Variants in SPMIP2 observed in about 807,000 individuals in gnomAD.
SPMIP2 encodes sperm microtubule inner protein 2.
the SPMIP2 span, among the ~76,000 whole-genome samples, chr4:159,037,156 T>C: frequency 1.3e-5 from 2 of 152,214 alleles, no homozygotes; most frequent in African/African-American, 4.8e-5. Context: ...GCTTTGCCTT[T>C]GAGACTGTTA....
At chr4:159,030,880 G>A in the SPMIP2 span, among the ~76,000 whole-genome samples, 1 of 152,108 alleles carries the variant, frequency 6.6e-6, no homozygotes, top group Non-Finnish European at 1.5e-5. Flanking sequence ...TCTCAGAATT[G>A]CTGCGAAATT....
the SPMIP2 span, among the ~76,000 whole-genome samples, chr4:158,987,184 G>A: frequency 2.1e-5 from 3 of 145,626 alleles, no homozygotes; most frequent in South Asian, 2.3e-4. Flanking sequence ...ACTGTTGGTG[G>A]GACTGTAATC....
the SPMIP2 span, among the ~76,000 whole-genome samples, chr4:158,985,881 A>C: frequency 6.6e-6 from 1 of 151,934 alleles, no homozygotes; most frequent in Non-Finnish European, 1.5e-5. Context: ...ATATCTAGAA[A>C]ACCCCATTGT....
chr4:159,079,287 A>G, the SPMIP2 span, among the ~76,000 whole-genome samples: 783 of 152,236 alleles, frequency 5.1e-3, 10 homozygotes, highest in African/African-American at 0.018. Context: ...CTCCACCCAC[A>G]TGAATGGAAT....
chr4:158,941,288 T>C, the SPMIP2 span, among the ~76,000 whole-genome samples: 8 of 152,214 alleles, frequency 5.3e-5, no homozygotes. Flanking sequence ...AAGAACATTA[T>C]ATGATTGATC....
the SPMIP2 span, among the ~76,000 whole-genome samples, chr4:159,024,349 G>A: frequency 1.3e-5 from 2 of 152,288 alleles, no homozygotes; most frequent in Admixed American, 6.5e-5. Context: ...CACGGTGAAA[G>A]GTTCTACCTT....
the SPMIP2 span, among the ~76,000 whole-genome samples, chr4:158,924,198 GT>G: frequency 2.6e-5 from 4 of 152,268 alleles, no homozygotes; most frequent in East Asian, 7.7e-4. Flanking sequence ...ATTAATCTCT[GT>G]TGTTGAGCCA....
At chr4:159,024,353 C>T in the SPMIP2 span, among the ~76,000 whole-genome samples, 1 of 152,160 alleles carries the variant, frequency 6.6e-6, no homozygotes, top group Non-Finnish European at 1.5e-5. Flanking sequence ...GTGAAAGGTT[C>T]TACCTTTTCT....
At chr4:159,011,328 A>T in the SPMIP2 span, among the ~76,000 whole-genome samples, 1 of 150,850 alleles carries the variant, frequency 6.6e-6, no homozygotes, top group Non-Finnish European at 1.5e-5. Flanking sequence ...AGAATAGTAT[A>T]GAGTAATTAA....
chr4:159,021,040 C>T, the SPMIP2 span, among the ~76,000 whole-genome samples: 3 of 152,232 alleles, frequency 2.0e-5, no homozygotes, highest in South Asian at 6.2e-4. Context: ...GGATTACAGG[C>T]GTGAGCCACC....
the SPMIP2 span, among the ~76,000 whole-genome samples, chr4:158,940,807 C>T: frequency 1.3e-5 from 2 of 152,078 alleles, no homozygotes; most frequent in Non-Finnish European, 2.9e-5. Flanking sequence ...GTATATTGAT[C>T]CATTGCAGCT....
chr4:158,911,375 T>TAAATAAATAAATAAATA, the SPMIP2 span, among the ~76,000 whole-genome samples: 1 of 147,116 alleles, frequency 6.8e-6, no homozygotes, highest in Non-Finnish European at 1.5e-5. Flanking sequence ...AATAAATAAA[T>TAAATAAATAAATAAATA]AAATAAATAA....
the SPMIP2 span, among the ~76,000 whole-genome samples, chr4:158,943,572 AT>A: frequency 2.5e-4 from 38 of 152,008 alleles, no homozygotes; most frequent in East Asian, 3.9e-3. Flanking sequence ...TTTTACCACC[AT>A]TTTTTTTAAT....
chr4:159,059,304 A>G, the SPMIP2 span, among the ~76,000 whole-genome samples: 9 of 152,320 alleles, frequency 5.9e-5, no homozygotes, highest in Non-Finnish European at 1.0e-4. Context: ...ATGAATGTGA[A>G]TTTAAGAGTG....
At chr4:158,968,934 A>T in the SPMIP2 span, among the ~76,000 whole-genome samples, 2 of 152,224 alleles carry the variant, frequency 1.3e-5, no homozygotes, top group Admixed American at 6.5e-5. Flanking sequence ...TGAGGCAGAG[A>T]TTTCAAAGCC....
chr4:158,898,900 A>G, the SPMIP2 span, among the ~76,000 whole-genome samples: 4 of 152,220 alleles, frequency 2.6e-5, no homozygotes, highest in African/African-American at 7.2e-5. Flanking sequence ...GTGGTGAGAG[A>G]GAGCATCCTT....
At chr4:158,934,846 C>G in the SPMIP2 span, among the ~76,000 whole-genome samples, 1 of 152,194 alleles carries the variant, frequency 6.6e-6, no homozygotes, top group Non-Finnish European at 1.5e-5. Flanking sequence ...CCCCAGCTCT[C>G]TAATTCAGGC....
the SPMIP2 span, among the ~76,000 whole-genome samples, chr4:159,003,247 T>C: frequency 2.0e-5 from 3 of 152,184 alleles, no homozygotes; most frequent in Non-Finnish European, 4.4e-5. Context: ...GCATGATGTG[T>C]AGAAAAGAGA....
the SPMIP2 span, among the ~76,000 whole-genome samples, chr4:158,938,160 C>T: frequency 1.3e-5 from 2 of 152,146 alleles, no homozygotes; most frequent in African/African-American, 2.4e-5. Flanking sequence ...AAAATGAAAT[C>T]GCTCCCCGAA....
Sources: allele counts gnomAD v4.1 joint callset (sites outside exome capture counted in the v4.1 genomes callset), GRCh38; gene constraint gnomAD v4.1.1; transcripts MANE v1.5; gene names NCBI Gene and HGNC (gene_info 2026-07-23, HGNC 2026-07-21).